The following FHIT variants were observed in gnomAD, a reference collection of about 807,000 sequenced individuals.
FHIT encodes the protein fragile histidine triad diadenosine triphosphatase.
Under a neutral mutation model 17.9 loss-of-function variants are expected in FHIT, and 19 were observed. The observed-to-expected ratio is 1.06, with a 90% CI of 0.74 to 1.56. The LOEUF (loss-of-function observed/expected upper bound fraction) is 1.56. FHIT is among the 40% of genes most tolerant of loss of function. The pLI, the probability that FHIT is intolerant of heterozygous loss-of-function variation, is 0.00. For missense variants in FHIT, 248 were observed against 189.2 expected, an observed-to-expected ratio of 1.31 and a Z score of -1.82; for synonymous variants, 81 against 69.7, an observed-to-expected ratio of 1.16 and a Z score of -0.81.
chr3:60,516,128 G>A (rs9829514), intron 5 of FHIT, among the ~76,000 whole-genome samples: 51,500 of 151,998 alleles, frequency 0.34, 9,141 homozygotes, highest in African/African-American at 0.43. Flanking sequence ...ACCTCTTCAC[G>A]CTGTTGAAAA....
chr3:60,521,009 T>C (rs2035338852), intron 5 of FHIT, among the ~76,000 whole-genome samples: 1 of 152,214 alleles, frequency 6.6e-6, no homozygotes, highest in Non-Finnish European at 1.5e-5. Context: ...ATAAATTTTT[T>C]GGTTTATTTT....
At chr3:60,890,322 T>C (rs1448882811) in intron 3 of FHIT, among the ~76,000 whole-genome samples, 1 of 150,014 alleles carries the variant, frequency 6.7e-6, no homozygotes, top group African/African-American at 2.5e-5. Context: ...AATGCACAGA[T>C]ACGAGTGAAT....
At chr3:59,784,995 C>T (rs754873497) in intron 8 of FHIT, among the ~76,000 whole-genome samples, 6 of 152,056 alleles carry the variant, frequency 3.9e-5, no homozygotes, top group African/African-American at 7.2e-5. Flanking sequence ...AGCTTCCAAT[C>T]ATGGTGGAAG....
intron 5 of FHIT, among the ~76,000 whole-genome samples, chr3:60,384,676 G>C (rs953878088): frequency 6.6e-6 from 1 of 151,260 alleles, no homozygotes; most frequent in African/African-American, 2.4e-5. Context: ...ACCCCATTGT[G>C]AATCACTACA....
intron 4 of FHIT, among the ~76,000 whole-genome samples, chr3:60,561,295 C>T (rs773523266): frequency 5.9e-5 from 9 of 152,116 alleles, no homozygotes; most frequent in Non-Finnish European, 1.3e-4. Context: ...CAAGGTCAAG[C>T]TCTTAGACAG....
intron 3 of FHIT, among the ~76,000 whole-genome samples, chr3:60,930,843 G>A (rs1311758744): frequency 1.3e-5 from 2 of 152,144 alleles, no homozygotes; most frequent in African/African-American, 4.8e-5. Flanking sequence ...AATACCATTT[G>A]ACCCAGCCAT....
intron 5 of FHIT, among the ~76,000 whole-genome samples, chr3:60,273,424 T>C (rs1347628243): frequency 6.6e-6 from 1 of 151,714 alleles, no homozygotes; most frequent in African/African-American, 2.4e-5. Flanking sequence ...CTGGCCAACA[T>C]AGTGAAATCC....
intron 4 of FHIT, among the ~76,000 whole-genome samples, chr3:60,728,296 C>G (rs1400721359): frequency 6.6e-6 from 1 of 152,192 alleles, no homozygotes; most frequent in Non-Finnish European, 1.5e-5. Context: ...AAAAGGAAAA[C>G]TAGTCTGGTT....
intron 5 of FHIT, among the ~76,000 whole-genome samples, chr3:60,525,661 C>G (rs1576813229): frequency 6.6e-6 from 1 of 152,102 alleles, no homozygotes; most frequent in Non-Finnish European, 1.5e-5. Flanking sequence ...AAATTCTAGT[C>G]TTGGTTCTTT....
At chr3:60,926,465 G>A (rs183951582) in intron 3 of FHIT, among the ~76,000 whole-genome samples, 401 of 152,252 alleles carry the variant, frequency 2.6e-3, no homozygotes, top group Non-Finnish European at 4.7e-3. Flanking sequence ...TACTGGGTAC[G>A]TCGCGAAATG....
At chr3:60,991,347 A>C (rs1026991500) in intron 3 of FHIT, among the ~76,000 whole-genome samples, 4 of 152,236 alleles carry the variant, frequency 2.6e-5, no homozygotes, top group Non-Finnish European at 5.9e-5. Flanking sequence ...GGGCAGGAGC[A>C]GATCAGGTGG....
At chr3:59,933,307 G>C (rs536698216) in intron 7 of FHIT, among the ~76,000 whole-genome samples, 1 of 152,072 alleles carries the variant, frequency 6.6e-6, no homozygotes, top group African/African-American at 2.4e-5. Flanking sequence ...CTTTACTTAC[G>C]TATTTATAGT....
intron 5 of FHIT, among the ~76,000 whole-genome samples, chr3:60,143,616 G>A (rs1350732681): frequency 6.6e-6 from 1 of 152,038 alleles, no homozygotes; most frequent in African/African-American, 2.4e-5. Context: ...TTGTTATGCA[G>A]CAATGGAAAA....
intron 4 of FHIT, among the ~76,000 whole-genome samples, chr3:60,614,819 T>TA (rs782771289): frequency 1.7e-5 from 2 of 114,410 alleles, no homozygotes; most frequent in Non-Finnish European, 3.7e-5. Context: ...GTTTTTTTTT[T>TA]GTTTTTTTTT....
At chr3:60,652,064 C>T (rs988727251) in intron 4 of FHIT, among the ~76,000 whole-genome samples, 7 of 152,248 alleles carry the variant, frequency 4.6e-5, no homozygotes, top group Admixed American at 2.6e-4. Flanking sequence ...AAAGGGATTG[C>T]GGCAAAGGAG....
chr3:60,522,596 G>C (rs1315176579), intron 5 of FHIT, among the ~76,000 whole-genome samples: 1 of 152,206 alleles, frequency 6.6e-6, no homozygotes, highest in Non-Finnish European at 1.5e-5. Flanking sequence ...GGCAGGAGTA[G>C]TAGAGATGTT....
intron 4 of FHIT, among the ~76,000 whole-genome samples, chr3:60,644,578 A>C (rs1553686222): frequency 1.3e-5 from 2 of 152,244 alleles, no homozygotes; most frequent in African/African-American, 2.4e-5. Context: ...GATCCATTGC[A>C]TAAAACACAA....
intron 3 of FHIT, among the ~76,000 whole-genome samples, chr3:60,837,664 T>G (rs978113663): frequency 1.3e-5 from 2 of 152,166 alleles, no homozygotes; most frequent in Non-Finnish European, 2.9e-5. Context: ...ATTTTCTGTT[T>G]GTTCTCTTTG....
chr3:61,002,098 G>C (rs1393087295), intron 3 of FHIT, among the ~76,000 whole-genome samples: 2 of 152,124 alleles, frequency 1.3e-5, no homozygotes, highest in South Asian at 2.1e-4. Flanking sequence ...TTAAATCAAG[G>C]TAATTAACAT....
Sources: allele counts gnomAD v4.1 joint callset (sites outside exome capture counted in the v4.1 genomes callset), GRCh38; gene constraint gnomAD v4.1.1; transcripts MANE v1.5; gene names NCBI Gene and HGNC (gene_info 2026-07-23, HGNC 2026-07-21).